The following DLGAP1 variants were observed in gnomAD, a reference collection of about 807,000 sequenced individuals.
The protein encoded by DLGAP1 is disks large-associated protein 1.
DLGAP1 carries 11 observed loss-of-function variants against 90.8 expected under a neutral mutation model. The observed-to-expected ratio is 0.12, with a 90% CI of 0.08 to 0.20. The LOEUF (loss-of-function observed/expected upper bound fraction) is 0.20, where lower values mean the gene tolerates loss of function less well. DLGAP1 is among the 10% of genes least tolerant of loss of function. The pLI, the probability that DLGAP1 is intolerant of heterozygous loss-of-function variation, is 1.00. For missense variants in DLGAP1, 1,050 were observed against 1,333.8 expected, an observed-to-expected ratio of 0.79 and a Z score of 3.31; for synonymous variants, 558 against 540.7, an observed-to-expected ratio of 1.03 and a Z score of -0.44.
chr18:4,278,087 T>A (rs912036964), intron 1 of DLGAP1, among the ~76,000 whole-genome samples: 10 of 152,124 alleles, frequency 6.6e-5, no homozygotes, highest in African/African-American at 2.4e-5. Context: ...ATTGTTGTTG[T>A]TTTGTATTTG....
In DLGAP1 at chr18:3,729,514, C is replaced by G. The variant is rs751914525; in HGVS notation, c.1351-139G>C. 702 of 1,168,820 alleles carry G rather than the reference C, an allele frequency of 6.0e-4. 7 individuals are homozygous for G. The highest frequency in any genetic ancestry group is 5.0e-3 in the Middle Eastern group (25 of 5,026). The allele number at this position is 1,168,820 out of a possible 1,614,324, so 72.4% of individuals were successfully genotyped here. A position where few individuals can be genotyped will look rare whatever the true frequency, so the allele number is the denominator to read the frequency against. On this transcript the variant is annotated intron_variant, in intron 6 of 12. Coordinates refer to ENST00000315677, the MANE Select transcript of DLGAP1 (RefSeq NM_004746.4). The surrounding 1 kb of genome is among the most constrained non-coding windows in gnomAD (Gnocchi z 6.2). ...AGCTCAAATGCATTTTATTTCCTTT[C>G]TGTTACAGGCTATAATTGAATGGCA... is the stretch of plus-strand genomic sequence containing the variant.
intron 1 of DLGAP1, among the ~76,000 whole-genome samples, chr18:4,380,847 T>C (rs759214895): frequency 1.2e-4 from 19 of 152,184 alleles, no homozygotes; most frequent in African/African-American, 4.1e-4. Flanking sequence ...TCTCTTGAGA[T>C]ATGTTCCAGA....
intron 7 of DLGAP1, among the ~76,000 whole-genome samples, chr18:3,728,782 C>A (rs1164529861): frequency 6.6e-6 from 1 of 152,068 alleles, no homozygotes; most frequent in African/African-American, 2.4e-5. Context: ...AGGGTCACAG[C>A]CCTAAAAGGC....
At chr18:3,651,595 C>G (rs1349288941) in intron 7 of DLGAP1, among the ~76,000 whole-genome samples, 5 of 152,000 alleles carry the variant, frequency 3.3e-5, no homozygotes, top group African/African-American at 1.2e-4. Flanking sequence ...GAGTTTGAGA[C>G]CAGCCTGGCC....
intron 5 of DLGAP1, among the ~76,000 whole-genome samples, chr18:3,794,844 T>A (rs951168972): frequency 1.3e-5 from 2 of 152,200 alleles, no homozygotes; most frequent in Non-Finnish European, 2.9e-5. Flanking sequence ...TGATAACATA[T>A]GGAGGAGAAA....
At position 4,386,599 on chromosome 18, in the gene DLGAP1, G is replaced by A. The variant is rs143015750; in HGVS notation, c.-267+68407C>T. Among the ~76,000 whole-genome samples the A allele has an allele frequency of 4.1e-4, 63 of 152,340 alleles. No homozygotes were observed. The East Asian group carries it at 0.012, about 29-fold the overall frequency. On this transcript the variant is annotated intron_variant, in intron 1 of 12. Transcript: ENST00000315677. Reference sequence around the variant, plus strand: ...CGACCTGTCCAAGGTCAAAGAGCTGGCTCAGAGTTAATACAGGTGATAATG... The same window carrying A: ...CGACCTGTCCAAGGTCAAAGAGCTGACTCAGAGTTAATACAGGTGATAATG...
intron 1 of DLGAP1, among the ~76,000 whole-genome samples, chr18:4,393,119 C>A (rs2082371814): frequency 6.6e-6 from 1 of 152,152 alleles, no homozygotes; most frequent in African/African-American, 2.4e-5. Context: ...AATAAATGAT[C>A]TTCTTAAGAC....
At chr18:4,326,949 C>G (rs146531843) in intron 1 of DLGAP1, among the ~76,000 whole-genome samples, 2 of 151,924 alleles carry the variant, frequency 1.3e-5, no homozygotes, top group Non-Finnish European at 2.9e-5. Flanking sequence ...CAAACCCCTG[C>G]GATGTACAGT....
intron 5 of DLGAP1, among the ~76,000 whole-genome samples, chr18:3,759,399 T>A (rs1415441690): frequency 3.9e-5 from 6 of 152,210 alleles, no homozygotes; most frequent in Non-Finnish European, 8.8e-5. Context: ...AGTTATCAAG[T>A]TGGCTTTATC....
At chr18:4,197,188 TAAAAAAAAA>T (rs532844849) in intron 1 of DLGAP1, among the ~76,000 whole-genome samples, 1 of 73,750 alleles carries the variant, frequency 1.4e-5, no homozygotes, top group East Asian at 4.5e-4. Context: ...TAAAAAAAAG[TAAAAAAAAA>T]AAAAAAAAAA....
chr18:4,133,027 T>C (rs1266459367), intron 2 of DLGAP1, among the ~76,000 whole-genome samples: 1 of 152,148 alleles, frequency 6.6e-6, no homozygotes, highest in African/African-American at 2.4e-5. Context: ...ATCTTTGAAA[T>C]GGGGGTAGAA....
intron 1 of DLGAP1, among the ~76,000 whole-genome samples, chr18:4,265,565 T>A (rs1024301244): frequency 7.4e-6 from 1 of 135,592 alleles, no homozygotes; most frequent in African/African-American, 3.0e-5. Flanking sequence ...TTCCTTCCTT[T>A]CCTTTCCTTT....
intron 1 of DLGAP1, among the ~76,000 whole-genome samples, chr18:4,343,104 G>A (rs561500963): frequency 2.6e-4 from 40 of 151,976 alleles, no homozygotes; most frequent in Non-Finnish European, 5.1e-4. Context: ...TCAGGAGGTC[G>A]AGACCATCCT....
chr18:4,221,041 A>G lies in DLGAP1; in HGVS notation c.-266-69754T>C, dbSNP rs189752310. ...GTTTGTAGCCTATGAGCAATAGGCTATATCATGTAGTACATAGTAGTCTCT... is the reference window on the plus strand; with the variant it reads ...GTTTGTAGCCTATGAGCAATAGGCTGTATCATGTAGTACATAGTAGTCTCT... On this transcript the variant is annotated intron_variant, in intron 1 of 12. Coordinates refer to ENST00000315677, the MANE Select transcript of DLGAP1 (RefSeq NM_004746.4). Among the ~76,000 whole-genome samples the G allele has an allele frequency of 1.1e-3, 173 of 152,274 alleles. 2 individuals are homozygous for G. Among genetic ancestry groups the G allele is most frequent in the African/African-American group, 4.0e-3 (168 of 41,568 alleles).
intron 3 of DLGAP1, among the ~76,000 whole-genome samples, chr18:3,999,745 G>C (rs2074143622): frequency 6.6e-6 from 1 of 152,072 alleles, no homozygotes; most frequent in Non-Finnish European, 1.5e-5. Flanking sequence ...TCACTACAGA[G>C]TCTGAGAAGC....
chr18:4,269,813 A>T (rs2079233462), intron 1 of DLGAP1, among the ~76,000 whole-genome samples: 1 of 152,220 alleles, frequency 6.6e-6, no homozygotes, highest in African/African-American at 2.4e-5. Context: ...ACATTTATCT[A>T]GAAAATGCTA....
intron 1 of DLGAP1, among the ~76,000 whole-genome samples, chr18:4,196,749 T>G (rs1489223747): frequency 6.6e-6 from 1 of 152,288 alleles, no homozygotes; most frequent in African/African-American, 2.4e-5. Context: ...TATACATTTA[T>G]TTCATTTTTC....
At chr18:3,690,274 T>C (rs61123210) in intron 7 of DLGAP1, among the ~76,000 whole-genome samples, 15,630 of 151,692 alleles carry the variant, frequency 0.1, 1,550 homozygotes, top group African/African-American at 0.26. Context: ...TTTTGTAGAG[T>C]TGGGGTCTTG....
chr18:4,335,874 G>A (rs1230210910), intron 1 of DLGAP1, among the ~76,000 whole-genome samples: 1 of 152,102 alleles, frequency 6.6e-6, no homozygotes, highest in Admixed American at 6.5e-5. Context: ...AATTCTATCA[G>A]CAATTTATCA....
Sources: gnomAD v4.1 joint callset for allele counts (sites outside exome capture counted in the v4.1 genomes callset) on GRCh38, gnomAD v4.1.1 for gene constraint, Gnocchi (gnomAD v3.1) non-coding constraint, MANE v1.5 for transcripts, NCBI Gene and HGNC (gene_info 2026-07-23, HGNC 2026-07-21) for gene names.